Variants in SPATA19 observed in about 807,000 individuals in gnomAD.
SPATA19 encodes spermatogenesis associated 19.
In SPATA19, 19 loss-of-function variants were observed where a neutral mutation model predicts 25.0. That is an observed-to-expected ratio of 0.76 (90% CI 0.53 to 1.11). SPATA19 has a LOEUF of 1.11. SPATA19 is among the 50% of genes most tolerant of loss of function. The pLI, the probability that SPATA19 is intolerant of heterozygous loss-of-function variation, is 0.00. For missense variants in SPATA19, 222 were observed against 211.4 expected (o/e 1.05, Z -0.31); for synonymous variants, 64 against 69.3 (o/e 0.92, Z 0.38).
At chr11:133,845,272 A>C in intron 1 of SPATA19, 82 bp from the exon 2 acceptor site, 1 of 1,524,698 alleles carries the variant, frequency 6.6e-7, no homozygotes, top group Non-Finnish European at 9.1e-7. Flanking sequence ...CTGTTACTCA[A>C]ATTTATTTGT....
chr11:133,844,360 GT>G, intron 3 of SPATA19, 23 bp from the exon 4 acceptor site: 6 of 1,613,482 alleles, frequency 3.7e-6, no homozygotes, highest in Non-Finnish European at 5.1e-6. Context: ...GAGGGTCCAT[GT>G]GATTCCTGCC....
At chr11:133,839,086 C>A (rs1210969843), downstream of SPATA19, among the ~76,000 whole-genome samples, 1 of 152,316 alleles carries the variant, frequency 6.6e-6, no homozygotes, top group East Asian at 1.9e-4. Flanking sequence ...GTTAGTGGGA[C>A]TGTGAACTAG....
chr11:133,839,472 A>G (rs1938266376), downstream of SPATA19, among the ~76,000 whole-genome samples: 1 of 147,288 alleles, frequency 6.8e-6, no homozygotes, highest in East Asian at 2.2e-4. Context: ...ATAGGTGGGA[A>G]TTGAACAATG....
downstream of SPATA19, among the ~76,000 whole-genome samples, chr11:133,838,972 C>T (rs4937836): frequency 2.5e-3 from 388 of 152,256 alleles, 7 homozygotes; most frequent in Admixed American, 0.022. Context: ...AAATCAAAAC[C>T]ACAATGGGAT....
At position 133,844,563 on chromosome 11, in the gene SPATA19, C is replaced by A; in HGVS notation, c.213G>T (p.Met71Ile). ...NHPSQGVREK[M>I]STDSPPTHGQ... is the part of the protein sequence containing the mutation. Reference sequence around the variant, plus strand: ...CATGGGTGGGAGGGGAGTCAGTGGACATCTTCTCCCTTACACCCTGGGAAG... The same window carrying A: ...CATGGGTGGGAGGGGAGTCAGTGGAAATCTTCTCCCTTACACCCTGGGAAG... Residue 71 changes from methionine (M) to isoleucine (I), a missense_variant, in exon 3 of 7, where the codon ATG becomes ATT. Physicochemically the swap from Met to Ile is conservative, Grantham distance 10 (BLOSUM62 1). Coordinates refer to ENST00000299140, the MANE Select transcript of SPATA19 (RefSeq NM_174927.3). 1.2e-6 allele frequency: 2 copies of A among 1,614,128 alleles called. No individual in the cohort carries two copies. Among genetic ancestry groups the A allele is most frequent in the Non-Finnish European group, 1.7e-6 (2 of 1,179,992 alleles).
At chr11:133,837,075 T>C (rs1283942285), downstream of SPATA19, among the ~76,000 whole-genome samples, 1 of 152,198 alleles carries the variant, frequency 6.6e-6, no homozygotes, top group Non-Finnish European at 1.5e-5. Flanking sequence ...CAGTGGTCAT[T>C]CTCGTGGACA....
chr11:133,842,845 C>T (rs180725626), intron 4 of SPATA19, among the ~76,000 whole-genome samples: 17 of 152,110 alleles, frequency 1.1e-4, no homozygotes, highest in Admixed American at 1.0e-3. Context: ...GCAGTGGTCT[C>T]GTGAGCCGTG....
chr11:133,839,491 T>C (rs1383569938), downstream of SPATA19, among the ~76,000 whole-genome samples: 3 of 123,102 alleles, frequency 2.4e-5, no homozygotes, highest in African/African-American at 9.6e-5. Flanking sequence ...TGAGAACACA[T>C]GGACACAGGA....
At chr11:133,843,334 A>G (rs1434062820) in intron 4 of SPATA19, among the ~76,000 whole-genome samples, 1 of 152,174 alleles carries the variant, frequency 6.6e-6, no homozygotes. Flanking sequence ...TATAATCAAC[A>G]ACATTTATGA....
downstream of SPATA19, among the ~76,000 whole-genome samples, chr11:133,838,155 G>T (rs889633525): frequency 2.0e-5 from 3 of 152,088 alleles, no homozygotes; most frequent in African/African-American, 7.2e-5. Flanking sequence ...AAACCAGTCA[G>T]ATATGTTGGA....
At position 133,845,179 on chromosome 11, in the gene SPATA19, A is replaced by G; in HGVS notation, c.90T>C (p.Val30=). Residue 30 remains valine (V), a synonymous_variant, in exon 2 of 7, where the codon GTT becomes GTC. Coordinates refer to ENST00000299140, the MANE Select transcript of SPATA19 (RefSeq NM_174927.3). ...GTACAGACACAGCCTCACTTTCCAC[A>G]ACGTCAATGTCCTGGAACAAATTGG... ...FLPITSSDID[V]VESEAVSVLH... 2 of 1,614,090 alleles carry G rather than the reference A, an allele frequency of 1.2e-6. No homozygotes were observed. Among genetic ancestry groups the G allele is most frequent in the Non-Finnish European group, 1.7e-6 (2 of 1,180,002 alleles).
At chr11:133,842,648 C>A (rs185885572) in intron 4 of SPATA19, 86 bp from the exon 5 acceptor site, 949 of 1,017,412 alleles carry the variant, frequency 9.3e-4, no homozygotes, top group Non-Finnish European at 1.3e-3. Context: ...TGGGATCCTG[C>A]AAACAATGAC....
chr11:133,844,720 T>C, intron 2 of SPATA19, 80 bp from the exon 3 acceptor site: 3 of 1,482,136 alleles, frequency 2.0e-6, no homozygotes, highest in Non-Finnish European at 2.7e-6. Flanking sequence ...TTTCCTTTTA[T>C]TCATTCTCCA....
intron 4 of SPATA19, 139 bp from the exon 5 acceptor site, chr11:133,842,701 T>A: frequency 1.4e-6 from 1 of 699,124 alleles, no homozygotes; most frequent in Non-Finnish European, 2.5e-6. Context: ...TCTCTCCCCC[T>A]TCTTGACTCA....
In SPATA19 at chr11:133,844,278, C is replaced by T. The variant is rs143248935; in HGVS notation, c.327G>A (p.Glu109=). 2 of 1,614,050 alleles carry T rather than the reference C, an allele frequency of 1.2e-6. No individual in the cohort carries two copies. The highest frequency in any genetic ancestry group is 2.7e-5 in the African/African-American group (2 of 74,916). The change falls in exon 4 of 7, where the codon GAG becomes GAA. Residue 109 remains glutamate, a synonymous_variant. Transcript: ENST00000299140. ...TTATGAACTGGATTCGTGTTCTCTC[C>T]TCTAGGACCTCTTGGCTCTGGTTTG... ...LLANQSQEVL[E]ERTRIQFIRW...
chr11:133,838,951 C>T (rs1308147560), downstream of SPATA19, among the ~76,000 whole-genome samples: 1 of 152,170 alleles, frequency 6.6e-6, no homozygotes, highest in Non-Finnish European at 1.5e-5. Context: ...CACTGGCCAT[C>T]GGAGAAATGC....
At chr11:133,836,322 G>A (rs1012238243), downstream of SPATA19, among the ~76,000 whole-genome samples, 2 of 152,184 alleles carry the variant, frequency 1.3e-5, no homozygotes. Context: ...CAGGCAAAGG[G>A]AGGCTGGGAG....
downstream of SPATA19, among the ~76,000 whole-genome samples, chr11:133,837,382 G>A (rs1205295079): frequency 6.6e-6 from 1 of 152,198 alleles, no homozygotes; most frequent in Non-Finnish European, 1.5e-5. Context: ...ACAAATTGCT[G>A]GAGGCTAAGT....
downstream of SPATA19, among the ~76,000 whole-genome samples, chr11:133,837,410 T>C (rs1480616344): frequency 6.6e-6 from 1 of 152,214 alleles, no homozygotes; most frequent in African/African-American, 2.4e-5. Context: ...ATGTTGACTA[T>C]TAAAAAGTCC....
Sources: allele counts gnomAD v4.1 joint callset (sites outside exome capture counted in the v4.1 genomes callset), GRCh38; gene constraint gnomAD v4.1.1; transcripts MANE v1.5; gene names NCBI Gene and HGNC (gene_info 2026-07-23, HGNC 2026-07-21).